ABLIM1: variants seen among roughly 807,000 people sequenced by gnomAD.
ABLIM1 encodes actin-binding LIM protein 1.
A neutral mutation model predicts 107.0 loss-of-function variants in ABLIM1; 40 were observed. That is an observed-to-expected ratio of 0.37 (90% CI 0.29 to 0.49). The LOEUF (loss-of-function observed/expected upper bound fraction) is 0.49, where lower values mean the gene tolerates loss of function less well. Among genes scored for constraint, ABLIM1 ranks in the 20% least tolerant of loss-of-function variants. ABLIM1 has a pLI of 0.97. For synonymous variants in ABLIM1, 357 were observed against 357.3 expected (o/e 1.00, Z 0.01); for missense variants, 857 against 1,008.5 (o/e 0.85, Z 2.04).
intron 12 of ABLIM1, among the ~76,000 whole-genome samples, chr10:114,463,712 G>A (rs867701838): frequency 2.0e-5 from 3 of 152,236 alleles, no homozygotes; most frequent in Middle Eastern, 3.4e-3. Flanking sequence ...CTGGAGGCTG[G>A]AAACTCAGTT....
At chr10:114,766,605 C>T (rs1014197819) in intron 1 of ABLIM1, among the ~76,000 whole-genome samples, 1 of 152,186 alleles carries the variant, frequency 6.6e-6, no homozygotes, top group East Asian at 1.9e-4. Flanking sequence ...CACATAGTTA[C>T]TTGGCCCCTA....
At chr10:114,696,595 G>A (rs2141788240) in intron 1 of ABLIM1, among the ~76,000 whole-genome samples, 1 of 152,272 alleles carries the variant, frequency 6.6e-6, no homozygotes, top group Non-Finnish European at 1.5e-5. Flanking sequence ...TGTTCTCATG[G>A]TAGTGAATAA....
At chr10:114,749,440 AACACACACACCACACACACACACAC>A (rs1436757176) in intron 1 of ABLIM1, among the ~76,000 whole-genome samples, 1 of 127,216 alleles carries the variant, frequency 7.9e-6, no homozygotes, top group African/African-American at 3.2e-5. Context: ...AAATTAAAAC[AACACACACACCACACACACACACAC>A]ACACACACAC....
upstream of ABLIM1, among the ~76,000 whole-genome samples, chr10:114,688,372 T>C (rs2080993549): frequency 1.3e-5 from 2 of 152,292 alleles, no homozygotes; most frequent in South Asian, 4.1e-4. Flanking sequence ...GTCTAGACTT[T>C]ATCTAGAAAG....
intron 1 of ABLIM1, among the ~76,000 whole-genome samples, chr10:114,709,585 C>A (rs182739949): frequency 6.6e-6 from 1 of 152,194 alleles, no homozygotes; most frequent in Admixed American, 6.5e-5. Context: ...TTATGTAAAC[C>A]AGCTACCAAA....
At chr10:114,512,380 C>T (rs561714247) in intron 6 of ABLIM1, among the ~76,000 whole-genome samples, 8 of 152,318 alleles carry the variant, frequency 5.3e-5, no homozygotes, top group South Asian at 2.1e-4. Flanking sequence ...TTTGCATTCT[C>T]GAAGTGTGCA....
intron 8 of ABLIM1, among the ~76,000 whole-genome samples, chr10:114,487,746 T>C (rs1161153944): frequency 6.6e-6 from 1 of 152,184 alleles, no homozygotes; most frequent in Admixed American, 6.5e-5. Context: ...AAGGCTTACT[T>C]TGTCTAACAC....
At chr10:114,731,345 T>C (rs998881484) in intron 1 of ABLIM1, among the ~76,000 whole-genome samples, 12 of 152,084 alleles carry the variant, frequency 7.9e-5, no homozygotes, top group Non-Finnish European at 1.5e-5. Flanking sequence ...TTTCACCATG[T>C]TGCCCAGGCT....
chr10:114,602,059 A>G, intron 1 of ABLIM1, 98 bp from the exon 2 acceptor site: 3 of 1,493,650 alleles, frequency 2.0e-6, no homozygotes, highest in Non-Finnish European at 2.8e-6. Flanking sequence ...AATGAGCCAC[A>G]GAGATTGATT....
intron 4 of ABLIM1, among the ~76,000 whole-genome samples, chr10:114,559,459 AAAAGAAAG>A (rs58147385): frequency 7.0e-6 from 1 of 142,158 alleles, no homozygotes. Flanking sequence ...AAAAAAAAAA[AAAAGAAAG>A]AAAGAAAAAA....
intron 6 of ABLIM1, among the ~76,000 whole-genome samples, chr10:114,503,101 A>G (rs2060647136): frequency 6.6e-6 from 1 of 152,146 alleles, no homozygotes; most frequent in African/African-American, 2.4e-5. Flanking sequence ...TCCTTTGTGG[A>G]AATATACTAG....
chr10:114,622,732 G>T (rs888886573), intron 1 of ABLIM1, among the ~76,000 whole-genome samples: 2 of 152,060 alleles, frequency 1.3e-5, no homozygotes, highest in African/African-American at 4.8e-5. Flanking sequence ...TGCCACCCCT[G>T]AGACAGCAAG....
chr10:114,636,603 A>T (rs2078491907), intron 1 of ABLIM1, among the ~76,000 whole-genome samples: 1 of 152,174 alleles, frequency 6.6e-6, no homozygotes, highest in Non-Finnish European at 1.5e-5. Flanking sequence ...TACATGTCTC[A>T]CACACACAGT....
At chr10:114,599,452 C>T (rs1420026637) in intron 2 of ABLIM1, among the ~76,000 whole-genome samples, 1 of 152,182 alleles carries the variant, frequency 6.6e-6, no homozygotes, top group African/African-American at 2.4e-5. Context: ...GAGTCTACTA[C>T]TTCATACTTT....
At chr10:114,725,373 C>A (rs1276369344) in intron 1 of ABLIM1, among the ~76,000 whole-genome samples, 1 of 152,052 alleles carries the variant, frequency 6.6e-6, no homozygotes, top group African/African-American at 2.4e-5. Context: ...AAATGTGGAG[C>A]TGGGTTTTAT....
intron 10 of ABLIM1, among the ~76,000 whole-genome samples, chr10:114,469,398 C>T (rs1407664180): frequency 6.6e-6 from 1 of 152,200 alleles, no homozygotes; most frequent in African/African-American, 2.4e-5. Flanking sequence ...ACACAGGCTT[C>T]CTTGGGGCCA....
At position 114,699,754 on chromosome 10, in the gene ABLIM1, A is replaced by G. The variant is rs546953684; in HGVS notation, c.-213+68307T>C. Among the ~76,000 whole-genome samples the G allele has an allele frequency of 1.4e-3, 212 of 152,334 alleles. 2 individuals carry two copies. Among genetic ancestry groups the G allele is most frequent in the African/African-American group, 4.9e-3 (205 of 41,576 alleles). Reference sequence around the variant, plus strand: ...AAATCCAAACATATTATTTAGAATTATAGTATTACCATCCAGAAGTAAAAA... The same window carrying G: ...AAATCCAAACATATTATTTAGAATTGTAGTATTACCATCCAGAAGTAAAAA... On this transcript the variant is annotated intron_variant, in intron 1 of 15. Coordinates refer to the ABLIM1 transcript ENST00000651092.
chr10:114,446,861 AAATC>A (rs922603555), intron 15 of ABLIM1, among the ~76,000 whole-genome samples: 2 of 152,230 alleles, frequency 1.3e-5, no homozygotes, highest in Non-Finnish European at 2.9e-5. Flanking sequence ...ACACTAATGA[AAATC>A]AATAGGCACA....
intron 6 of ABLIM1, among the ~76,000 whole-genome samples, chr10:114,522,094 G>C (rs992223223): frequency 6.6e-6 from 1 of 152,180 alleles, no homozygotes; most frequent in Non-Finnish European, 1.5e-5. Context: ...TTGAGGGGCA[G>C]AAAGAAGGCT....
Sources: gnomAD v4.1 joint callset for allele counts (sites outside exome capture counted in the v4.1 genomes callset) on GRCh38, gnomAD v4.1.1 for gene constraint, MANE v1.5 for transcripts, NCBI Gene and HGNC (gene_info 2026-07-23, HGNC 2026-07-21) for gene names.